JPH3: variants seen among roughly 807,000 people sequenced by gnomAD.
JPH3 encodes the protein junctophilin-3.
JPH3 carries 11 observed loss-of-function variants against 59.6 expected under a neutral mutation model. The ratio of observed to expected loss-of-function variants is 0.18; its 90% CI spans 0.12 to 0.31. The LOEUF (loss-of-function observed/expected upper bound fraction) is 0.31. Among genes scored for constraint, JPH3 ranks in the 10% least tolerant of loss-of-function variants. The probability of loss-of-function intolerance (pLI) is 1.00; values close to 1 mark genes in which losing one functional copy is unlikely to be tolerated. For missense variants in JPH3, 1,202 were observed against 1,105.7 expected, an observed-to-expected ratio of 1.09 and a Z score of -1.24; for synonymous variants, 673 against 483.6, an observed-to-expected ratio of 1.39 and a Z score of -5.14.
intron 4 of JPH3, among the ~76,000 whole-genome samples, chr16:87,691,826 C>A (rs1478440971): frequency 6.6e-6 from 1 of 152,086 alleles, no homozygotes; most frequent in Admixed American, 6.5e-5. Flanking sequence ...TTTTCCCCAT[C>A]GCAGCCGGAG....
intron 1 of JPH3, among the ~76,000 whole-genome samples, chr16:87,641,654 C>T (rs112391939): frequency 5.4e-4 from 82 of 152,376 alleles, no homozygotes; most frequent in African/African-American, 1.9e-3. Flanking sequence ...TCAGAGGCTG[C>T]GTTGCCGATT....
Position 87,644,532 on chromosome 16 carries a change from G to A in JPH3, c.657G>A (p.Leu219=), listed in dbSNP as rs1020691604. The A allele has an allele frequency of 6.2e-6, 10 of 1,612,760 alleles. No individual in the cohort carries two copies. The highest frequency in any genetic ancestry group is 8.5e-6 in the Non-Finnish European group (10 of 1,179,846). The change falls in exon 2 of 5, where the codon CTG becomes CTA. Residue 219 remains leucine, a synonymous_variant. Coordinates refer to ENST00000284262, the MANE Select transcript of JPH3 (RefSeq NM_020655.4). ...AGAAGGGGCTGTTTCGGCGCTCGCT[G>A]CTGAGTGGGCTGAAGCTGCGCAAGT... ...SKKKGLFRRS[L]LSGLKLRKSE...
chr16:87,672,205 G>C (rs1283701186), intron 2 of JPH3, among the ~76,000 whole-genome samples: 1 of 152,152 alleles, frequency 6.6e-6, no homozygotes, highest in Non-Finnish European at 1.5e-5. Flanking sequence ...GCGGCAGCAA[G>C]GAGGGGGAGA....
chr16:87,658,402 C>G (rs760062769), intron 2 of JPH3, among the ~76,000 whole-genome samples: 2 of 144,970 alleles, frequency 1.4e-5, no homozygotes, highest in Non-Finnish European at 3.0e-5. Context: ...TTTCCTCCCT[C>G]TCTGTCCCTC....
intron 1 of JPH3, among the ~76,000 whole-genome samples, chr16:87,632,696 C>T (rs909905201): frequency 6.6e-5 from 10 of 152,186 alleles, no homozygotes; most frequent in African/African-American, 2.4e-4. Flanking sequence ...AATTCGACAC[C>T]AGCCTAGCCA....
chr16:87,658,462 G>C (rs1361832013), intron 2 of JPH3, among the ~76,000 whole-genome samples: 1 of 147,616 alleles, frequency 6.8e-6, no homozygotes, highest in African/African-American at 2.5e-5. Context: ...CTGTCTCTCT[G>C]TCCTATTTTT....
intron 2 of JPH3, among the ~76,000 whole-genome samples, chr16:87,645,943 T>A (rs1360805667): frequency 6.6e-6 from 1 of 152,226 alleles, no homozygotes; most frequent in Non-Finnish European, 1.5e-5. Flanking sequence ...GGGAAGGCAT[T>A]TCAGAAAACC....
At chr16:87,650,729 A>G (rs1187583948) in intron 2 of JPH3, among the ~76,000 whole-genome samples, 3 of 152,280 alleles carry the variant, frequency 2.0e-5, no homozygotes, top group Non-Finnish European at 4.4e-5. Flanking sequence ...AGCCTGATCC[A>G]GAGCAAGGCT....
At chr16:87,612,153 G>T (rs1388785789) in intron 1 of JPH3, among the ~76,000 whole-genome samples, 1 of 152,144 alleles carries the variant, frequency 6.6e-6, no homozygotes, top group African/African-American at 2.4e-5. Context: ...ACGGGGGCTG[G>T]CTCCGTCTGT....
chr16:87,603,632 C>G (rs2030356541), intron 1 of JPH3, 104 bp downstream of exon 1: 1 of 1,376,036 alleles, frequency 7.3e-7, no homozygotes, highest in African/African-American at 1.5e-5. Context: ...TCCGGTTGGG[C>G]CGTGGGCACC....
intron 1 of JPH3, among the ~76,000 whole-genome samples, chr16:87,621,864 C>T (rs879274060): frequency 5.3e-5 from 8 of 152,140 alleles, no homozygotes; most frequent in African/African-American, 1.4e-4. Flanking sequence ...TGGTCACTGT[C>T]GCCTGTAGAC....
intron 1 of JPH3, among the ~76,000 whole-genome samples, chr16:87,620,301 G>A (rs76942219): frequency 0.13 from 19,599 of 150,076 alleles, 1,472 homozygotes; most frequent in East Asian, 0.17. Context: ...GGGCTGCAGC[G>A]ACAGTGACCA....
At chr16:87,613,818 G>A (rs967120075) in intron 1 of JPH3, among the ~76,000 whole-genome samples, 2 of 152,156 alleles carry the variant, frequency 1.3e-5, no homozygotes, top group African/African-American at 4.8e-5. Flanking sequence ...TATCATAGAC[G>A]TTATATCTTA....
chr16:87,658,334 C>T (rs1002540545), intron 2 of JPH3, among the ~76,000 whole-genome samples: 1 of 152,102 alleles, frequency 6.6e-6, no homozygotes, highest in Non-Finnish European at 1.5e-5. Flanking sequence ...GGAATTTTCT[C>T]TGTTTCCCTC....
intron 4 of JPH3, among the ~76,000 whole-genome samples, chr16:87,692,053 G>A (rs1294148928): frequency 6.6e-6 from 1 of 152,150 alleles, no homozygotes; most frequent in African/African-American, 2.4e-5. Context: ...GCTACATGCT[G>A]CCCTGGTCCT....
rs191407380 is a variant in JPH3 at position 87,664,280 on chromosome 16, G to A, written c.1160+19245G>A. On this transcript the variant is annotated intron_variant, in intron 2 of 4. Transcript: ENST00000284262. ...CGGGAGGCGGAGCTTGCAGTGAGCC[G>A]AGATTGCGCCACTGCACCTCCAGCC... Among the ~76,000 whole-genome samples the A allele has an allele frequency of 1.9e-3, 276 of 145,878 alleles. 3 individuals carry two copies. The highest frequency in any genetic ancestry group is 6.4e-3 in the African/African-American group (252 of 39,422).
intron 4 of JPH3, among the ~76,000 whole-genome samples, chr16:87,693,011 G>A (rs988047998): frequency 6.6e-6 from 1 of 152,244 alleles, no homozygotes; most frequent in Non-Finnish European, 1.5e-5. Context: ...GCAGGGCTGG[G>A]CCCTTGGCTG....
At chr16:87,651,398 C>G (rs1421207163) in intron 2 of JPH3, among the ~76,000 whole-genome samples, 1 of 152,180 alleles carries the variant, frequency 6.6e-6, no homozygotes, top group Non-Finnish European at 1.5e-5. Flanking sequence ...TTTAGTAAGG[C>G]TGCCATAGAT....
chr16:87,674,350 A>G (rs2033093831), intron 2 of JPH3, among the ~76,000 whole-genome samples: 1 of 152,154 alleles, frequency 6.6e-6, no homozygotes. Flanking sequence ...AACAAAAACA[A>G]AAAAAAGCAG....
Sources: allele counts gnomAD v4.1 joint callset (sites outside exome capture counted in the v4.1 genomes callset), GRCh38; gene constraint gnomAD v4.1.1; transcripts MANE v1.5; gene names NCBI Gene and HGNC (gene_info 2026-07-23, HGNC 2026-07-21).